Variants in ZFHX3 observed in about 807,000 individuals in gnomAD.
ZFHX3 encodes the protein zinc finger homeobox protein 3.
A neutral mutation model predicts 279.1 loss-of-function variants in ZFHX3; 42 were observed. The observed-to-expected ratio is 0.15, with a 90% CI of 0.12 to 0.19. The LOEUF is 0.19. Ranked by LOEUF, ZFHX3 falls within the 10% of genes least tolerant of loss-of-function variation. The pLI, the probability that ZFHX3 is intolerant of heterozygous loss-of-function variation, is 1.00. For missense variants in ZFHX3, 4,981 were observed against 4,754.0 expected, an observed-to-expected ratio of 1.05 and a Z score of -1.40; for synonymous variants, 2,293 against 1,957.8, an observed-to-expected ratio of 1.17 and a Z score of -4.52.
At chr16:73,146,808 C>T (rs12446022) in intron 5 of ZFHX3, among the ~76,000 whole-genome samples, 27,425 of 152,060 alleles carry the variant, frequency 0.18, 3,305 homozygotes, top group Middle Eastern at 0.32. Flanking sequence ...GGCGCCACCA[C>T]CAAGCCCAGC....
In ZFHX3 at chr16:73,275,992, G is replaced by T. The variant is rs566786413; in HGVS notation, c.-1193-18856C>A. ...GGGGCGGTCAAGAGTGATGGGGGGGGACAGGGAAGGATGATATTGGGAACT... is the reference window on the plus strand; with the variant it reads ...GGGGCGGTCAAGAGTGATGGGGGGGTACAGGGAAGGATGATATTGGGAACT... On this transcript the variant is annotated intron_variant, in intron 4 of 17. Transcript: ENST00000641206. Among the ~76,000 whole-genome samples, 228 of 152,102 alleles carry T rather than the reference G, an allele frequency of 1.5e-3. 1 individual carries two copies. The highest frequency in any genetic ancestry group is 2.5e-3 in the Non-Finnish European group (173 of 68,002).
chr16:73,388,234 G>T (rs1051758247), intron 3 of ZFHX3, among the ~76,000 whole-genome samples: 3 of 152,122 alleles, frequency 2.0e-5, no homozygotes, highest in Non-Finnish European at 4.4e-5. Context: ...GTGTCTATGT[G>T]TATCCAGGCC....
chr16:73,049,328 G>A (rs913710031), upstream of ZFHX3, among the ~76,000 whole-genome samples: 3 of 152,156 alleles, frequency 2.0e-5, no homozygotes, highest in Admixed American at 6.5e-5. Flanking sequence ...TCTTTTCCTC[G>A]GGCACAATAA....
intron 3 of ZFHX3, among the ~76,000 whole-genome samples, chr16:73,344,635 G>A (rs568862361): frequency 2.2e-4 from 33 of 152,220 alleles, no homozygotes; most frequent in African/African-American, 7.9e-4. Context: ...GGATAAGGAA[G>A]CACAAAGCCA....
At chr16:72,980,675 A>T (rs1275914024) in intron 1 of ZFHX3, among the ~76,000 whole-genome samples, 4 of 151,840 alleles carry the variant, frequency 2.6e-5, no homozygotes, top group Non-Finnish European at 5.9e-5. Flanking sequence ...ATTGCTTGAG[A>T]CCAGGGAGGT....
chr16:72,864,302 G>T (rs2037960628), intron 4 of ZFHX3, among the ~76,000 whole-genome samples: 1 of 151,992 alleles, frequency 6.6e-6, no homozygotes, highest in Admixed American at 6.6e-5. Flanking sequence ...CACCCACATT[G>T]ACCACCATGT....
intron 5 of ZFHX3, among the ~76,000 whole-genome samples, chr16:73,164,454 C>T (rs1967310953): frequency 6.6e-6 from 1 of 152,172 alleles, no homozygotes; most frequent in Non-Finnish European, 1.5e-5. Flanking sequence ...AATCCCAGCA[C>T]TTTGGGAGGC....
At chr16:73,664,312 C>T (rs548328288) in intron 2 of ZFHX3, among the ~76,000 whole-genome samples, 1 of 152,246 alleles carries the variant, frequency 6.6e-6, no homozygotes, top group African/African-American at 2.4e-5. Flanking sequence ...AAACAAAGAA[C>T]TACCATAAAT....
At chr16:73,433,387 T>C (rs1186641100) in intron 3 of ZFHX3, among the ~76,000 whole-genome samples, 3 of 152,190 alleles carry the variant, frequency 2.0e-5, no homozygotes, top group African/African-American at 7.2e-5. Context: ...GAATATCATT[T>C]GCATCTTGCA....
At chr16:73,751,223 C>T (rs2053759092) in intron 1 of ZFHX3, among the ~76,000 whole-genome samples, 2 of 152,224 alleles carry the variant, frequency 1.3e-5, no homozygotes, top group Admixed American at 1.3e-4. Context: ...CAAAGTCACT[C>T]ACTTGTGCAT....
chr16:73,191,841 G>A (rs914551418), intron 5 of ZFHX3, among the ~76,000 whole-genome samples: 1 of 152,178 alleles, frequency 6.6e-6, no homozygotes, highest in Non-Finnish European at 1.5e-5. Context: ...TGGCCTCTCT[G>A]GCTTGTAGCC....
chr16:72,927,596 C>T (rs1959523972), intron 3 of ZFHX3, among the ~76,000 whole-genome samples: 2 of 152,176 alleles, frequency 1.3e-5, no homozygotes, highest in South Asian at 4.1e-4. Flanking sequence ...AGTGGCCTTC[C>T]CAGCGGCCCG....
chr16:73,016,833 T>A (rs1964117979), intron 1 of ZFHX3, among the ~76,000 whole-genome samples: 1 of 152,032 alleles, frequency 6.6e-6, no homozygotes, highest in African/African-American at 2.4e-5. Context: ...AATCTCCCCA[T>A]TACAGCTGAA....
chr16:73,576,816 C>T (rs934959220), intron 2 of ZFHX3, among the ~76,000 whole-genome samples: 2 of 152,168 alleles, frequency 1.3e-5, no homozygotes, highest in Non-Finnish European at 2.9e-5. Context: ...ATTATTTCGT[C>T]ACCCAGGTAC....
intron 5 of ZFHX3, among the ~76,000 whole-genome samples, chr16:73,189,552 G>T: frequency 6.6e-6 from 1 of 152,174 alleles, no homozygotes. Context: ...GCAGAAGATT[G>T]ATTCTGAGGC....
intron 4 of ZFHX3, among the ~76,000 whole-genome samples, chr16:73,264,141 TGGGCAACAGAGCAA>T (rs1023125454): frequency 1.3e-5 from 2 of 152,220 alleles, no homozygotes; most frequent in African/African-American, 4.8e-5. Context: ...CACTCCAGCC[TGGGCAACAGAGCAA>T]GACTCTATCT....
intron 7 of ZFHX3, among the ~76,000 whole-genome samples, chr16:73,105,361 A>ATG (rs1966284000): frequency 1.3e-5 from 1 of 77,048 alleles, no homozygotes; most frequent in East Asian, 3.2e-4. Flanking sequence ...ATACACATAT[A>ATG]TATACACACA....
chr16:72,811,878 C>CA lies in ZFHX3; in HGVS notation c.3663+26dup. 3.1e-6 allele frequency: 5 copies of CA among 1,611,992 alleles called. No homozygotes were observed. The East Asian group carries it at 1.1e-4, about 36-fold the overall frequency. ...CAATGTCTAAAACACCTCACCTCCC[C>CA]ACCAGCAGAGTCCCTTCCAGCCTCA... On this transcript the variant is annotated intron_variant, in intron 6 of 9. Transcript: ENST00000268489.
At chr16:73,728,015 G>GAAGCCCCCCC in intron 1 of ZFHX3, among the ~76,000 whole-genome samples, 1 of 75,426 alleles carries the variant, frequency 1.3e-5, no homozygotes, top group South Asian at 7.3e-4. Flanking sequence ...GCCGAATTGT[G>GAAGCCCCCCC]CCCCCCCCCC....
Sources: allele counts gnomAD v4.1 joint callset (sites outside exome capture counted in the v4.1 genomes callset), GRCh38; gene constraint gnomAD v4.1.1; transcripts MANE v1.5; gene names NCBI Gene and HGNC (gene_info 2026-07-23, HGNC 2026-07-21).